Variants in CTDSP1 observed in about 807,000 individuals in gnomAD.
The protein encoded by CTDSP1 is CTD small phosphatase 1, also known as carboxy-terminal domain RNA polymerase II polypeptide A small phosphatase 1.
A neutral mutation model predicts 32.5 loss-of-function variants in CTDSP1; 15 were observed. The ratio of observed to expected loss-of-function variants is 0.46; its 90% confidence interval spans 0.31 to 0.71. The LOEUF is 0.71. Among genes scored for constraint, CTDSP1 ranks in the 30% least tolerant of loss-of-function variants. The probability of loss-of-function intolerance (pLI) is 0.05; values close to 1 mark genes in which losing one functional copy is unlikely to be tolerated. For missense variants in CTDSP1, 294 were observed against 351.1 expected (o/e 0.84, Z 1.30); for synonymous variants, 185 against 145.4 (o/e 1.27, Z -1.96).
At position 218,399,994 on chromosome 2, in the gene CTDSP1, C is replaced by T. The variant is rs909819301; in HGVS notation, c.-97C>T. The T allele has an allele frequency of 1.6e-6, 2 of 1,234,752 alleles. No homozygotes were observed. The highest frequency in any genetic ancestry group is 2.1e-6 in the Non-Finnish European group (2 of 965,980). 76.5% of individuals were successfully genotyped at this position (1,234,752 alleles called of 1,614,324 possible). The stretch of plus-strand genomic sequence containing the variant: ...GCTCGCGGGGATCCCTCCCTCCCAC[C>T]CCTCCCCTCCCCCCCGCGCCCCGAT... On this transcript the variant is annotated 5_prime_UTR_variant, in exon 1 of 7. Coordinates refer to ENST00000273062, the MANE Select transcript of CTDSP1 (RefSeq NM_021198.3).
In CTDSP1 at chr2:218,404,528, ACACT is replaced by A; in HGVS notation, c.*106_*109del. 6.9e-7 allele frequency: 1 copy of A among 1,442,632 alleles called. No homozygotes were observed. The highest frequency in any genetic ancestry group is 9.5e-7 in the Non-Finnish European group (1 of 1,055,722). 89.4% of individuals were successfully genotyped at this position (1,442,632 alleles called of 1,614,324 possible). ...TTAGGAAAACCCATGGGCCGCCGCCACACTCAGTGCCATGGGGAAGCGGGCGTCT... is the reference window on the plus strand; with the variant it reads ...TTAGGAAAACCCATGGGCCGCCGCCACAGTGCCATGGGGAAGCGGGCGTCT... On this transcript the variant is annotated 3_prime_UTR_variant, in exon 7 of 7. Transcript: ENST00000273062.
chr2:218,396,602 C>G (rs574218920), upstream of CTDSP1: 1 of 152,660 alleles, frequency 6.6e-6, no homozygotes, highest in South Asian at 2.1e-4. Context: ...AGAGATGGGA[C>G]CGGTCTGGTG....
chr2:218,399,957 C>T lies in CTDSP1; in HGVS notation c.-134C>T. On this transcript the variant is annotated 5_prime_UTR_variant, in exon 1 of 7. Transcript: ENST00000273062. Reference sequence around the variant, plus strand: ...CCCTCCCCCCTAGAACCTGGCTCCCCTCCCCTCCGGAGCTCGCGGGGATCC... The same window carrying T: ...CCCTCCCCCCTAGAACCTGGCTCCCTTCCCCTCCGGAGCTCGCGGGGATCC... 8.5e-7 allele frequency: 1 copy of T among 1,171,000 alleles called. No individual in the cohort carries two copies. The highest frequency in any genetic ancestry group is 2.3e-5 in the South Asian group (1 of 42,836). The allele number at this position is 1,171,000 out of a possible 1,614,324, so 72.5% of individuals were successfully genotyped here.
intron 1 of CTDSP1, chr2:218,401,175 C>T (rs375617370): frequency 5.5e-6 from 2 of 365,180 alleles, no homozygotes; most frequent in East Asian, 7.2e-5. Flanking sequence ...GTGGACTGCC[C>T]TGGGTCCCAG....
At chr2:218,402,729 G>A in intron 4 of CTDSP1, 1 of 754,980 alleles carries the variant, frequency 1.3e-6, no homozygotes, top group South Asian at 1.4e-5. Flanking sequence ...CCGGTGCCCT[G>A]CAGCCTTGGG....
chr2:218,400,191 G>A, intron 1 of CTDSP1, 34 bp downstream of exon 1: 5 of 1,523,414 alleles, frequency 3.3e-6, no homozygotes, highest in Non-Finnish European at 4.4e-6. Flanking sequence ...CCGAAGCCGG[G>A]GCGCCGTGGG....
At position 218,404,644 on chromosome 2, in the gene CTDSP1, C is replaced by T. The variant is rs1559139190; in HGVS notation, c.*219C>T. 1.8e-6 allele frequency: 1 copy of T among 542,140 alleles called. No individual in the cohort carries two copies. Among genetic ancestry groups the T allele is most frequent in the Non-Finnish European group, 3.2e-6 (1 of 309,418 alleles). The allele number at this position is 542,140 out of a possible 1,614,324, so 33.6% of individuals were successfully genotyped here. ...AGGCCCCGTGTCAGTGCCTTCAAACCTCCTCCCCTATTCTCAGGGGACCTG... is the reference window on the plus strand; with the variant it reads ...AGGCCCCGTGTCAGTGCCTTCAAACTTCCTCCCCTATTCTCAGGGGACCTG... On this transcript the variant is annotated 3_prime_UTR_variant, in exon 7 of 7. Transcript: ENST00000273062.
At chr2:218,397,452 C>T (rs1331188654), upstream of CTDSP1, among the ~76,000 whole-genome samples, 1 of 152,156 alleles carries the variant, frequency 6.6e-6, no homozygotes, top group Non-Finnish European at 1.5e-5. Context: ...TGCACCCCGA[C>T]TTTGTGCACG....
In CTDSP1 at chr2:218,402,218, G is replaced by T; in HGVS notation, c.321+3G>T. ...CCCTGGTGCACAGCTCCTTCAAGGT[G>T]GGCCCTGCTCAACAGCCCTCAGCCC... On this transcript the variant is annotated splice_donor_region_variant and intron_variant, in intron 3 of 6. Coordinates refer to ENST00000273062, the MANE Select transcript of CTDSP1 (RefSeq NM_021198.3). 2 of 1,613,322 alleles carry T rather than the reference G, an allele frequency of 1.2e-6. No individual in the cohort carries two copies. The highest frequency in any genetic ancestry group is 2.2e-5 in the South Asian group (2 of 91,068).
chr2:218,400,347 C>T (rs781231169), intron 1 of CTDSP1, 190 bp downstream of exon 1: 5 of 704,078 alleles, frequency 7.1e-6, no homozygotes, highest in African/African-American at 3.5e-5. Flanking sequence ...GGGGCGGGGC[C>T]TGGCGCCTTT....
At chr2:218,400,690 C>T (rs776765234) in intron 1 of CTDSP1, 4 of 453,908 alleles carry the variant, frequency 8.8e-6, no homozygotes, top group Admixed American at 2.4e-5. Flanking sequence ...AGGCGCCGAC[C>T]CCCTCGGAGG....
Position 218,400,110 on chromosome 2 carries a change from T to C in CTDSP1, c.20T>C (p.Ile7Thr), listed in dbSNP as rs1236182997. MDSSAV[I>T]TQISKEEARG... ...GGCCCCATGGACAGCTCGGCCGTCATTACTCAGATCAGCAAGGAGGAGGCT... is the reference window on the plus strand; with the variant it reads ...GGCCCCATGGACAGCTCGGCCGTCACTACTCAGATCAGCAAGGAGGAGGCT... Residue 7 changes from isoleucine (I) to threonine (T), a missense_variant, in exon 1 of 7, where the codon ATT (isoleucine) becomes ACT (threonine). This residue lies in a region of CTDSP1 where 148 missense variants were observed against 113.3 expected (regional missense o/e 1.31). Transcript: ENST00000273062. 2 of 1,541,638 alleles carry C rather than the reference T, an allele frequency of 1.3e-6. No homozygotes were observed. Among genetic ancestry groups the C allele is most frequent in the Non-Finnish European group, 1.7e-6 (2 of 1,143,636 alleles).
At chr2:218,400,990 G>A (rs764276611) in intron 1 of CTDSP1, 7 of 445,958 alleles carry the variant, frequency 1.6e-5, no homozygotes, top group South Asian at 1.1e-4. Flanking sequence ...TGGGGTGGGA[G>A]GGGTATCTGT....
In CTDSP1 at chr2:218,403,235, G is replaced by A. The variant is rs1476365869; in HGVS notation, c.475G>A (p.Ala159Thr). 2 of 1,612,024 alleles carry A rather than the reference G, an allele frequency of 1.2e-6. No individual in the cohort carries two copies. The highest frequency in any genetic ancestry group is 1.7e-6 in the Non-Finnish European group (2 of 1,178,758). ...VLFTASLAKY[A>T]DPVADLLDKW... ...ATGACCCACCTCCTGCTCCCAGTAC[G>A]CAGACCCAGTAGCTGACCTGCTGGA... The change falls in exon 6 of 7, where the codon GCA becomes ACA. Residue 159 changes from alanine to threonine, a missense_variant. Physicochemically the swap from Ala to Thr is moderately conservative, Grantham distance 58. This residue lies in a region of CTDSP1 where 146 missense variants were observed against 237.7 expected (regional missense o/e 0.61). Coordinates refer to ENST00000273062, the MANE Select transcript of CTDSP1 (RefSeq NM_021198.3).
At position 218,403,026 on chromosome 2, in the gene CTDSP1, G is replaced by A. The variant is rs371853283; in HGVS notation, c.379-9G>A. 4.3e-6 allele frequency: 7 copies of A among 1,610,472 alleles called. No homozygotes were observed. Among genetic ancestry groups the A allele is most frequent in the Admixed American group, 1.7e-5 (1 of 59,826 alleles). ...TGGCCCGCAGCCCCCTCACTGGCCCGCCCCCCAGGTCTACGTGTTGAAGCG... is the reference window on the plus strand; with the variant it reads ...TGGCCCGCAGCCCCCTCACTGGCCCACCCCCCAGGTCTACGTGTTGAAGCG... On this transcript the variant is annotated splice_polypyrimidine_tract_variant and intron_variant, in intron 4 of 6. Coordinates refer to ENST00000273062, the MANE Select transcript of CTDSP1 (RefSeq NM_021198.3).
At chr2:218,401,011 G>T (rs1012233373) in intron 1 of CTDSP1, 7 of 443,680 alleles carry the variant, frequency 1.6e-5, no homozygotes, top group African/African-American at 1.0e-4. Context: ...CAATCAGGCT[G>T]CTGGGCTCCA....
At chr2:218,396,476 G>C (rs1232227709), upstream of CTDSP1, 1 of 152,464 alleles carries the variant, frequency 6.6e-6, no homozygotes, top group Non-Finnish European at 1.5e-5. Flanking sequence ...CCGATTTCCT[G>C]GGGACCCAGC....
chr2:218,399,919 GCCCCCTCCCT>G lies in CTDSP1; in HGVS notation c.-162_-153del, dbSNP rs1286564915. Reference sequence around the variant, plus strand: ...CATGTTGTAACAAAGTTTCCTCCGCGCCCCCTCCCTCCCCCTCCCCCCTAGAACCTGGCTC... The same window carrying G: ...CATGTTGTAACAAAGTTTCCTCCGCGCCCCCTCCCCCCTAGAACCTGGCTC... On this transcript the variant is annotated 5_prime_UTR_variant, in exon 1 of 7. Transcript: ENST00000273062. The G allele has an allele frequency of 9.6e-6, 12 of 1,244,950 alleles. No individual in the cohort carries two copies. The highest frequency in any genetic ancestry group is 7.9e-5 in the African/African-American group (5 of 63,142). 77.1% of individuals were successfully genotyped at this position (1,244,950 alleles called of 1,614,324 possible). A position where few individuals can be genotyped will look rare whatever the true frequency, so the allele number is the denominator to read the frequency against.
chr2:218,398,503 C>A, upstream of CTDSP1: 1 of 1,432,624 alleles, frequency 7.0e-7, no homozygotes, highest in Non-Finnish European at 9.2e-7. Context: ...ACAGTCCCCT[C>A]CCGCCCCTAC....
Sources: gnomAD v4.1 joint callset for allele counts (sites outside exome capture counted in the v4.1 genomes callset) on GRCh38, gnomAD v4.1.1 for gene constraint, gnomAD v4.1.1 regional missense constraint, MANE v1.5 for transcripts, NCBI Gene and HGNC (gene_info 2026-07-23, HGNC 2026-07-21) for gene names.